COBL: variants seen among roughly 807,000 people sequenced by gnomAD.
COBL encodes the protein cordon-bleu WH2 repeat protein, also known as protein cordon-bleu.
In COBL, 51 loss-of-function variants were observed where a neutral mutation model predicts 98.8. The ratio of observed to expected loss-of-function variants is 0.52; its 90% CI spans 0.41 to 0.65. The LOEUF (loss-of-function observed/expected upper bound fraction) is 0.65, where lower values mean the gene tolerates loss of function less well. Among genes scored for constraint, COBL ranks in the 30% least tolerant of loss-of-function variants. The pLI is 0.00. For missense variants in COBL, 1,617 were observed against 1,617.5 expected (o/e 1.00, Z 0.01); for synonymous variants, 634 against 651.7 (o/e 0.97, Z 0.41).
At chr7:51,245,932 GA>G (rs1384204100) in intron 1 of COBL, among the ~76,000 whole-genome samples, 1 of 152,094 alleles carries the variant, frequency 6.6e-6, no homozygotes, top group East Asian at 1.9e-4. Context: ...ATTTTGTGAG[GA>G]AATGATTTTA....
chr7:51,106,109 C>T (rs1393154684), intron 6 of COBL, among the ~76,000 whole-genome samples: 1 of 145,754 alleles, frequency 6.9e-6, no homozygotes, highest in Non-Finnish European at 1.5e-5. Flanking sequence ...GAGGCTGAGG[C>T]AGGGGAATTG....
chr7:51,092,980 A>T (rs760589613), intron 6 of COBL, among the ~76,000 whole-genome samples: 1 of 152,160 alleles, frequency 6.6e-6, no homozygotes, highest in Non-Finnish European at 1.5e-5. Flanking sequence ...CAGTGTACAG[A>T]TCTTTCACCT....
chr7:51,234,517 A>G (rs1238555055), intron 1 of COBL, among the ~76,000 whole-genome samples: 1 of 152,142 alleles, frequency 6.6e-6, no homozygotes, highest in African/African-American at 2.4e-5. Flanking sequence ...CCTGGGCAAC[A>G]CAGAAAAACC....
At chr7:51,120,989 G>GT (rs1181799476) in intron 6 of COBL, among the ~76,000 whole-genome samples, 1 of 152,128 alleles carries the variant, frequency 6.6e-6, no homozygotes, top group Non-Finnish European at 1.5e-5. Context: ...GGGTGTACAG[G>GT]TATCTGTCTG....
chr7:51,259,129 A>G (rs1797475744), intron 1 of COBL, among the ~76,000 whole-genome samples: 1 of 152,070 alleles, frequency 6.6e-6, no homozygotes, highest in Non-Finnish European at 1.5e-5. Flanking sequence ...CTCTACTAAA[A>G]ATACAAAATT....
At chr7:51,154,766 C>T (rs192035514) in intron 5 of COBL, among the ~76,000 whole-genome samples, 176 of 152,340 alleles carry the variant, frequency 1.2e-3, no homozygotes, top group African/African-American at 4.0e-3. Context: ...AAAATCTCTG[C>T]ATCAAAATTG....
chr7:51,130,981 T>C (rs1798683244), intron 6 of COBL, among the ~76,000 whole-genome samples: 1 of 152,246 alleles, frequency 6.6e-6, no homozygotes, highest in African/African-American at 2.4e-5. Flanking sequence ...GCCTTGTGCA[T>C]AGCAGTTATT....
chr7:51,047,199 A>C (rs1789797252), intron 7 of COBL, among the ~76,000 whole-genome samples: 1 of 152,232 alleles, frequency 6.6e-6, no homozygotes, highest in South Asian at 2.1e-4. Context: ...AAATGTGAAA[A>C]AGCACACTTA....
intron 5 of COBL, among the ~76,000 whole-genome samples, chr7:51,172,019 T>C (rs922648212): frequency 2.6e-5 from 4 of 152,234 alleles, no homozygotes; most frequent in Non-Finnish European, 4.4e-5. Flanking sequence ...GAAGAAACTT[T>C]ATAGATGCCA....
At chr7:51,189,894 A>G (rs1273460582) in intron 4 of COBL, among the ~76,000 whole-genome samples, 1 of 152,194 alleles carries the variant, frequency 6.6e-6, no homozygotes, top group Non-Finnish European at 1.5e-5. Context: ...AGCACTCTAT[A>G]TCAATCAGAA....
chr7:51,207,891 A>G (rs1791924761), intron 2 of COBL, among the ~76,000 whole-genome samples: 1 of 125,098 alleles, frequency 8.0e-6, no homozygotes, highest in South Asian at 2.8e-4. Context: ...CTGGCCGCCC[A>G]TCGTCTGGGA....
chr7:51,032,889 G>A (rs896296742), intron 8 of COBL: 15 of 152,150 alleles, frequency 9.9e-5, no homozygotes, highest in African/African-American at 3.6e-4. Context: ...ATGGAAAAGA[G>A]ATTTAAATAC....
chr7:51,078,810 G>C (rs1793340439), intron 7 of COBL, among the ~76,000 whole-genome samples: 1 of 152,164 alleles, frequency 6.6e-6, no homozygotes, highest in South Asian at 2.1e-4. Flanking sequence ...AGGTTTCTAG[G>C]CTCATGATCA....
At position 51,242,671 on chromosome 7, in the gene COBL, G is replaced by A. The variant is rs538338306; in HGVS notation, c.42-22727C>T. ...AATGTTATGATCTTCAGGTTCATAA[G>A]ATCCACAAACAGAAAATGTTAACTT... is the stretch of plus-strand genomic sequence containing the variant. On this transcript the variant is annotated intron_variant, in intron 1 of 12. Transcript: ENST00000265136. 3.4e-4 allele frequency among the ~76,000 whole-genome samples: 52 copies of A among 152,048 alleles called. No homozygotes were observed. In the Middle Eastern group the frequency reaches 0.014, roughly 40 times the overall value.
intron 1 of COBL, among the ~76,000 whole-genome samples, chr7:51,264,932 G>A (rs1029086504): frequency 3.3e-5 from 5 of 152,022 alleles, no homozygotes; most frequent in African/African-American, 9.7e-5. Context: ...TTAAACTGTG[G>A]GATGGAAGAG....
chr7:51,226,960 G>A (rs1794261981), intron 1 of COBL, among the ~76,000 whole-genome samples: 1 of 152,128 alleles, frequency 6.6e-6, no homozygotes, highest in Non-Finnish European at 1.5e-5. Flanking sequence ...GGAAAAGACT[G>A]GAATTCTAGC....
chr7:51,188,194 T>C (rs1563013647), intron 4 of COBL, among the ~76,000 whole-genome samples: 1 of 152,144 alleles, frequency 6.6e-6, no homozygotes. Context: ...TTTATCAAGA[T>C]GCTCCCACCG....
At chr7:51,027,163 T>C (rs1407169448) in intron 10 of COBL, among the ~76,000 whole-genome samples, 1 of 152,204 alleles carries the variant, frequency 6.6e-6, no homozygotes, top group East Asian at 1.9e-4. Context: ...TGTGCCTCAG[T>C]TTCATCTGCA....
chr7:51,091,936 C>T (rs1794848610), intron 6 of COBL, among the ~76,000 whole-genome samples: 1 of 152,188 alleles, frequency 6.6e-6, no homozygotes, highest in South Asian at 2.1e-4. Flanking sequence ...TTAAAAACTT[C>T]CAACCAAGAA....
Sources: gnomAD v4.1 joint callset for allele counts (sites outside exome capture counted in the v4.1 genomes callset) on GRCh38, gnomAD v4.1.1 for gene constraint, MANE v1.5 for transcripts, NCBI Gene and HGNC (gene_info 2026-07-23, HGNC 2026-07-21) for gene names.